SDK1: variants seen among roughly 807,000 people sequenced by gnomAD.
SDK1 encodes the protein sidekick cell adhesion molecule 1, also known as protein sidekick-1.
A neutral mutation model predicts 245.5 loss-of-function variants in SDK1; 157 were observed. The ratio of observed to expected loss-of-function variants is 0.64; its 90% confidence interval spans 0.56 to 0.73. The LOEUF (loss-of-function observed/expected upper bound fraction) is 0.73, where lower values mean the gene tolerates loss of function less well. Among genes scored for constraint, SDK1 ranks in the 30% least tolerant of loss-of-function variants. The probability of loss-of-function intolerance (pLI) is 0.00; values close to 1 mark genes in which losing one functional copy is unlikely to be tolerated. For missense variants in SDK1, 3,583 were observed against 3,002.3 expected (o/e 1.19, Z -4.52); for synonymous variants, 1,647 against 1,278.5 (o/e 1.29, Z -6.15).
intron 4 of SDK1, among the ~76,000 whole-genome samples, chr7:3,705,851 A>G (rs1228998420): frequency 6.6e-6 from 1 of 152,122 alleles, no homozygotes; most frequent in Non-Finnish European, 1.5e-5. Flanking sequence ...CTCAGGGAGA[A>G]TACTTGCAGC....
chr7:3,587,360 C>T lies in SDK1; in HGVS notation c.299-31720C>T, dbSNP rs568586710. ...AGATTTATTAGAAGGTGTTGGCTTA[C>T]GTGATTATGGAGGCTGAGAAGGCCC... is the stretch of plus-strand genomic sequence containing the variant. On this transcript the variant is annotated intron_variant, in intron 1 of 44. Transcript: ENST00000404826. 2.6e-3 allele frequency among the ~76,000 whole-genome samples: 392 copies of T among 151,626 alleles called. 3 individuals are homozygous for T. The highest frequency in any genetic ancestry group is 0.018 in the South Asian group (86 of 4,804).
At chr7:3,912,233 A>G (rs570911551) in intron 5 of SDK1, among the ~76,000 whole-genome samples, 1 of 152,276 alleles carries the variant, frequency 6.6e-6, no homozygotes, top group South Asian at 2.1e-4. Flanking sequence ...ATCCATTTCT[A>G]AATGTGTTTC....
intron 22 of SDK1, among the ~76,000 whole-genome samples, chr7:4,090,776 A>G (rs1781738043): frequency 6.6e-6 from 1 of 152,218 alleles, no homozygotes; most frequent in Non-Finnish European, 1.5e-5. Context: ...GCTCCCAGCT[A>G]GGAAATGTAC....
chr7:4,210,285 G>C (rs1784446805), intron 38 of SDK1, 123 bp downstream of exon 38: 1 of 1,083,114 alleles, frequency 9.2e-7, no homozygotes, highest in Non-Finnish European at 1.2e-6. Context: ...GCCTGAAGTG[G>C]GGGGTTTTGG....
At chr7:3,707,476 G>A (rs1430788241) in intron 4 of SDK1, among the ~76,000 whole-genome samples, 1 of 152,156 alleles carries the variant, frequency 6.6e-6, no homozygotes, top group African/African-American at 2.4e-5. Flanking sequence ...CCATTATACG[G>A]TCTATCTTGG....
In SDK1 at chr7:4,061,185, A is replaced by G. The variant is rs573469097; in HGVS notation, c.2912-6653A>G. ...TTTTTCCAATTCTGTGAAGAAAGTCATTGGTAGCTTGATGGGGATGGCATT... is the reference window on the plus strand; with the variant it reads ...TTTTTCCAATTCTGTGAAGAAAGTCGTTGGTAGCTTGATGGGGATGGCATT... On this transcript the variant is annotated intron_variant, in intron 19 of 44. Coordinates refer to ENST00000404826, the MANE Select transcript of SDK1 (RefSeq NM_152744.4). Among the ~76,000 whole-genome samples, 1,198 of 152,114 alleles carry G rather than the reference A, an allele frequency of 7.9e-3. 17 individuals carry two copies. Among genetic ancestry groups the G allele is most frequent in the African/African-American group, 0.027 (1,128 of 41,462 alleles).
Position 4,241,886 on chromosome 7 carries a change from G to A in SDK1, c.6224G>A (p.Ser2075Asn), listed in dbSNP as rs750952784. ...ELSSRHLNVK[S>N]TFSKKNGTRS... ...AGCAGCCGCCACCTCAATGTCAAGA[G>A]CACCTTCTCCAAGAAGAACGGGACC... The change falls in exon 43 of 45, where the codon AGC becomes AAC. Residue 2075 changes from serine (S) to asparagine (N), a missense_variant. Transcript: ENST00000404826. 2 of 1,613,814 alleles carry A rather than the reference G, an allele frequency of 1.2e-6. No homozygotes were observed. The highest frequency in any genetic ancestry group is 1.7e-5 in the Admixed American group (1 of 60,008).
At chr7:3,746,945 A>G (rs1487125578) in intron 4 of SDK1, among the ~76,000 whole-genome samples, 1 of 152,194 alleles carries the variant, frequency 6.6e-6, no homozygotes, top group Admixed American at 6.5e-5. Flanking sequence ...TGACTTTTCC[A>G]AGACCATCAG....
chr7:3,463,734 G>A (rs1029367332), intron 1 of SDK1, among the ~76,000 whole-genome samples: 1 of 152,136 alleles, frequency 6.6e-6, no homozygotes, highest in Non-Finnish European at 1.5e-5. Context: ...CTCTCTGCTG[G>A]TCTCACTCCT....
intron 1 of SDK1, among the ~76,000 whole-genome samples, chr7:3,618,205 T>G (rs561444450): frequency 1.2e-4 from 19 of 152,156 alleles, no homozygotes; most frequent in Non-Finnish European, 1.8e-4. Flanking sequence ...ATATCTAGTA[T>G]TCTCTCCATT....
chr7:3,547,768 G>C (rs1046871821), intron 1 of SDK1, among the ~76,000 whole-genome samples: 1 of 152,146 alleles, frequency 6.6e-6, no homozygotes, highest in African/African-American at 2.4e-5. Context: ...CTGGCTGTTA[G>C]CTAGGTTGAG....
intron 1 of SDK1, among the ~76,000 whole-genome samples, chr7:3,349,209 AC>A (rs1213599827): frequency 1.3e-5 from 2 of 152,016 alleles, no homozygotes; most frequent in African/African-American, 4.8e-5. Flanking sequence ...AACAAAAAAA[AC>A]ACAACAAAAC....
rs568282435 is a variant in SDK1 at position 4,157,427 on chromosome 7, A to G, written c.4626-1021A>G. ...GAGGAATGAAGAAAAGGAGGGAAGG[A>G]AGGCAAGAGAAAAGGAGGGAAGGGA... On this transcript the variant is annotated intron_variant, in intron 30 of 44. Transcript: ENST00000404826. Among the ~76,000 whole-genome samples the G allele has an allele frequency of 4.7e-4, 51 of 109,146 alleles. 8 individuals carry two copies. Among genetic ancestry groups the G allele is most frequent in the Non-Finnish European group, 3.7e-4 (21 of 56,834 alleles). 71.6% of individuals were successfully genotyped at this position (109,146 alleles called of 152,430 possible). A position where few individuals can be genotyped will look rare whatever the true frequency, so the allele number is the denominator to read the frequency against.
chr7:4,241,073 T>C (rs1218516818), intron 42 of SDK1, among the ~76,000 whole-genome samples: 4 of 152,248 alleles, frequency 2.6e-5, no homozygotes, highest in African/African-American at 9.6e-5. Context: ...TCATTTGATC[T>C]GTTAATATAT....
intron 17 of SDK1, among the ~76,000 whole-genome samples, chr7:4,027,717 TATTA>T (rs1283542970): frequency 6.6e-6 from 1 of 152,192 alleles, no homozygotes; most frequent in Non-Finnish European, 1.5e-5. Context: ...ATAAGCTTTA[TATTA>T]ATTTCATCAC....
intron 1 of SDK1, among the ~76,000 whole-genome samples, chr7:3,433,354 A>G (rs1415788215): frequency 1.3e-5 from 2 of 152,196 alleles, no homozygotes; most frequent in African/African-American, 4.8e-5. Context: ...GTCTCTTGAG[A>G]GGAGGGGTTG....
At chr7:4,204,062 G>C (rs555310368) in intron 35 of SDK1, among the ~76,000 whole-genome samples, 1 of 152,224 alleles carries the variant, frequency 6.6e-6, no homozygotes, top group South Asian at 2.1e-4. Context: ...TCGTGGGCGC[G>C]CTGAGTTGGG....
intron 4 of SDK1, among the ~76,000 whole-genome samples, chr7:3,644,383 G>T (rs1294884505): frequency 6.6e-6 from 1 of 151,058 alleles, no homozygotes; most frequent in Non-Finnish European, 1.5e-5. Flanking sequence ...CCTTTATATT[G>T]ATTCCAATAA....
chr7:4,077,316 C>T (rs1780750121), intron 21 of SDK1, 127 bp downstream of exon 21: 2 of 866,288 alleles, frequency 2.3e-6, no homozygotes, highest in South Asian at 1.6e-5. Context: ...GGCCTCCTGC[C>T]AAGATGCTGG....
Sources: gnomAD v4.1 joint callset for allele counts (sites outside exome capture counted in the v4.1 genomes callset) on GRCh38, gnomAD v4.1.1 for gene constraint, MANE v1.5 for transcripts, NCBI Gene and HGNC (gene_info 2026-07-23, HGNC 2026-07-21) for gene names.